CATSPERZ: variants seen among roughly 807,000 people sequenced by gnomAD.
The protein encoded by CATSPERZ is catsper channel auxiliary subunit zeta, also known as cation channel sperm-associated auxiliary subunit zeta.
Under a neutral mutation model 21.7 loss-of-function variants are expected in CATSPERZ, and 21 were observed. The ratio of observed to expected loss-of-function variants is 0.97; its 90% CI spans 0.69 to 1.39. CATSPERZ has a LOEUF of 1.39. Among genes scored for constraint, CATSPERZ ranks in the 40% most tolerant of loss-of-function variants. CATSPERZ has a pLI of 0.00. For synonymous variants in CATSPERZ, 127 were observed against 108.7 expected, an observed-to-expected ratio of 1.17 and a Z score of -1.05; for missense variants, 234 against 259.5, an observed-to-expected ratio of 0.90 and a Z score of 0.68.
chr11:64,300,805 G>T lies in CATSPERZ; in HGVS notation c.170G>T (p.Arg57Leu). 6.4e-7 allele frequency: 1 copy of T among 1,558,468 alleles called. No individual in the cohort carries two copies. Among genetic ancestry groups the T allele is most frequent in the Non-Finnish European group, 8.7e-7 (1 of 1,151,834 alleles). ...EVCEGFDEEG[R>L]NISKTRGWHS... ...TGCGAGGGCTTCGACGAGGAGGGCC[G>T]CAACATTAGCAAGACCCGCGGGTGG... The change falls in exon 2 of 5, where the codon CGC becomes CTC. Residue 57 changes from arginine to leucine, a missense_variant. Coordinates refer to ENST00000328404, the MANE Select transcript of CATSPERZ (RefSeq NM_001039496.2).
chr11:64,302,914 T>C (rs2034950605), intron 2 of CATSPERZ, among the ~76,000 whole-genome samples: 1 of 148,786 alleles, frequency 6.7e-6, no homozygotes, highest in Non-Finnish European at 1.5e-5. Context: ...TTTAGTTTTT[T>C]TTTGAGACAG....
In CATSPERZ at chr11:64,304,526, C is replaced by A. The variant is rs1398912655; in HGVS notation, c.500-17C>A. On this transcript the variant is annotated splice_polypyrimidine_tract_variant and intron_variant, in intron 4 of 4. Coordinates refer to ENST00000328404, the MANE Select transcript of CATSPERZ (RefSeq NM_001039496.2). Reference sequence around the variant, plus strand: ...CGGTTGCTCACTGCCCTGAGCCGAGCTCTGCCCTCCTCCTAGGCTACCAGT... The same window carrying A: ...CGGTTGCTCACTGCCCTGAGCCGAGATCTGCCCTCCTCCTAGGCTACCAGT... 3 of 1,564,874 alleles carry A rather than the reference C, an allele frequency of 1.9e-6. No homozygotes were observed. The highest frequency in any genetic ancestry group is 2.6e-6 in the Non-Finnish European group (3 of 1,155,204).
At chr11:64,301,338 CTGGA>C (rs1243983102) in intron 2 of CATSPERZ, among the ~76,000 whole-genome samples, 1 of 151,226 alleles carries the variant, frequency 6.6e-6, no homozygotes, top group East Asian at 1.9e-4. Flanking sequence ...GTCGCCCAGG[CTGGA>C]TGGAGTGCAG....
chr11:64,302,957 A>ATG (rs1327527195), intron 2 of CATSPERZ, among the ~76,000 whole-genome samples: 1 of 121,544 alleles, frequency 8.2e-6, no homozygotes, highest in Non-Finnish European at 1.7e-5. Flanking sequence ...TGGAGTGCAG[A>ATG]TGTACGATCT....
In CATSPERZ at chr11:64,300,397, G is replaced by C. The variant is rs202061149; in HGVS notation, c.-14G>C. 6.9e-7 allele frequency: 1 copy of C among 1,439,462 alleles called. No individual in the cohort carries two copies. Among genetic ancestry groups the C allele is most frequent in the Non-Finnish European group, 9.3e-7 (1 of 1,070,032 alleles). 89.2% of individuals were successfully genotyped at this position (1,439,462 alleles called of 1,614,324 possible). Reference sequence around the variant, plus strand: ...CTCGAGGCCTGTGGCGTCTGGGTCCGTTGGGGCAGAACCATGGAGGAAAAG... The same window carrying C: ...CTCGAGGCCTGTGGCGTCTGGGTCCCTTGGGGCAGAACCATGGAGGAAAAG... On this transcript the variant is annotated 5_prime_UTR_variant, in exon 1 of 5. Transcript: ENST00000328404.
chr11:64,303,632 TGAAAGTTGGGGGTGGTTGGCAGG>T, intron 3 of CATSPERZ, 71 bp downstream of exon 3: 1 of 1,482,426 alleles, frequency 6.7e-7, no homozygotes, highest in Non-Finnish European at 9.1e-7. Context: ...TGATAGGATA[TGAAAGTTGGGGGTGGTTGGCAGG>T]GTGGAGGGGC....
intron 3 of CATSPERZ, 43 bp downstream of exon 3, chr11:64,303,604 GA>G: frequency 6.4e-7 from 1 of 1,555,872 alleles, no homozygotes; most frequent in Admixed American, 1.8e-5. Flanking sequence ...TGGGGTAGGG[GA>G]TAGGCAAATT....
At position 64,304,555 on chromosome 11, in the gene CATSPERZ, G is replaced by A; in HGVS notation, c.512G>A (p.Gly171Glu). 1 of 1,584,608 alleles carries A rather than the reference G, an allele frequency of 6.3e-7. No homozygotes were observed. The highest frequency in any genetic ancestry group is 8.6e-7 in the Non-Finnish European group (1 of 1,166,374). The change falls in exon 5 of 5, where the codon GGG becomes GAG. Residue 171 changes from glycine (G) to glutamate (E), a missense_variant. By Grantham distance (98) the Gly-to-Glu change is moderately conservative. Transcript: ENST00000328404. ...LTKALRSYQL[G>E]IGRDHFLTKE... ...GCCCTCCTCCTAGGCTACCAGTTAG[G>A]GATCGGCAGGGACCACTTCCTGACT...
chr11:64,300,811 T>A lies in CATSPERZ; in HGVS notation c.176T>A (p.Ile59Asn), dbSNP rs2034910700. 1.3e-6 allele frequency: 2 copies of A among 1,559,632 alleles called. No individual in the cohort carries two copies. Among genetic ancestry groups the A allele is most frequent in the African/African-American group, 1.4e-5 (1 of 73,604 alleles). Residue 59 changes from isoleucine to asparagine, a missense_variant, in exon 2 of 5, where the codon ATT becomes AAT. Ile to Asn is a moderately radical substitution (Grantham distance 149, BLOSUM62 -3). Transcript: ENST00000328404. The part of the protein sequence containing the change: ...CEGFDEEGRN[I>N]SKTRGWHSPG... Reference sequence around the variant, plus strand: ...GGCTTCGACGAGGAGGGCCGCAACATTAGCAAGACCCGCGGGTGGCACAGC... The same window carrying A: ...GGCTTCGACGAGGAGGGCCGCAACAATAGCAAGACCCGCGGGTGGCACAGC...
rs191382363 is a variant in CATSPERZ, at chr11:64,302,341, T to C, written c.353-1141T>C. On this transcript the variant is annotated intron_variant, in intron 2 of 4. Transcript: ENST00000328404. The stretch of plus-strand genomic sequence containing the variant: ...TGTCGCCCAGGCTGGAGTGCAGTGG[T>C]GCCATCTCGGCTCACTGCAAGCTCT... Among the ~76,000 whole-genome samples the C allele has an allele frequency of 3.8e-3, 577 of 152,324 alleles. 6 individuals carry two copies. The highest frequency in any genetic ancestry group is 0.013 in the African/African-American group (560 of 41,558).
chr11:64,303,776 C>T lies in CATSPERZ; in HGVS notation c.436C>T (p.Pro146Ser). The stretch of plus-strand genomic sequence containing the variant: ...AAGCCTCTTGCTGCTTCTCCAGCTG[C>T]CACTGCCCCTGATGGAACTCATGGA... ...AYWAEQQSRLPLPLMELMENE... is the reference protein window; with the variant it reads ...AYWAEQQSRLSLPLMELMENE... Residue 146 changes from proline to serine, a missense_variant, in exon 4 of 5, where the codon CCA (proline) becomes TCA (serine). Coordinates refer to ENST00000328404, the MANE Select transcript of CATSPERZ (RefSeq NM_001039496.2). The T allele has an allele frequency of 6.3e-7, 1 of 1,599,228 alleles. No individual in the cohort carries two copies. The highest frequency in any genetic ancestry group is 8.5e-7 in the Non-Finnish European group (1 of 1,173,128).
intron 2 of CATSPERZ, among the ~76,000 whole-genome samples, chr11:64,302,716 G>A (rs1565372330): frequency 6.6e-6 from 1 of 151,856 alleles, no homozygotes; most frequent in Admixed American, 6.6e-5. Flanking sequence ...GGGATTACAG[G>A]TGCCTGCCAC....
chr11:64,300,367 C>T lies in CATSPERZ; in HGVS notation c.-44C>T, dbSNP rs2034899552. The T allele has an allele frequency of 2.1e-6, 3 of 1,416,438 alleles. No homozygotes were observed. The South Asian group carries it at 3.4e-5, about 16-fold the overall frequency. 87.7% of individuals were successfully genotyped at this position (1,416,438 alleles called of 1,614,324 possible). The stretch of plus-strand genomic sequence containing the variant: ...CCCTTCCTGGAGCGTTGACTCCCTT[C>T]TCGTCTCGAGGCCTGTGGCGTCTGG... On this transcript the variant is annotated 5_prime_UTR_variant, in exon 1 of 5. Transcript: ENST00000328404.
rs568280516 is a variant in CATSPERZ, at chr11:64,301,489, T to C, written c.352+502T>C. ...GGCACGATCTCTGCTCGCTGCAACC[T>C]CCGCCTCCCGAGTAGCTGGGATTAC... is the stretch of plus-strand genomic sequence containing the variant. On this transcript the variant is annotated intron_variant, in intron 2 of 4. Coordinates refer to ENST00000328404, the MANE Select transcript of CATSPERZ (RefSeq NM_001039496.2). 1.5e-4 allele frequency among the ~76,000 whole-genome samples: 20 copies of C among 134,862 alleles called. 1 individual carries two copies. The South Asian group carries it at 4.9e-3, about 33-fold the overall frequency. The allele number at this position is 134,862 out of a possible 152,430, so 88.5% of individuals were successfully genotyped here.
chr11:64,302,113 A>G (rs2034936872), intron 2 of CATSPERZ, among the ~76,000 whole-genome samples: 3 of 152,318 alleles, frequency 2.0e-5, no homozygotes, highest in Admixed American at 2.0e-4. Flanking sequence ...CGTGCTGGGC[A>G]CTGTCTGGCA....
intron 1 of CATSPERZ, 69 bp from the exon 2 acceptor site, chr11:64,300,588 C>T (rs1379307837): frequency 1.3e-6 from 2 of 1,516,510 alleles, no homozygotes; most frequent in African/African-American, 1.4e-5. Context: ...GCTCAGTTCC[C>T]CAGCCCGCTC....
Position 64,303,785 on chromosome 11 carries a change from C to T in CATSPERZ, c.445C>T (p.Leu149=). ...GCTGCTTCTCCAGCTGCCACTGCCC[C>T]TGATGGAACTCATGGAGAATGAAGC... The part of the protein sequence containing the change: ...AEQQSRLPLP[L]MELMENEALE... The change falls in exon 4 of 5, where the codon CTG becomes TTG. Residue 149 remains leucine, a synonymous_variant. Transcript: ENST00000328404. The T allele has an allele frequency of 6.2e-7, 1 of 1,600,740 alleles. No homozygotes were observed. Among genetic ancestry groups the T allele is most frequent in the African/African-American group, 1.3e-5 (1 of 74,664 alleles).
chr11:64,302,124 C>G (rs1427845709), intron 2 of CATSPERZ, among the ~76,000 whole-genome samples: 2 of 152,278 alleles, frequency 1.3e-5, no homozygotes, highest in African/African-American at 4.8e-5. Flanking sequence ...CTGTCTGGCA[C>G]CCCCTCAAAC....
intron 3 of CATSPERZ, 101 bp from the exon 4 acceptor site, chr11:64,303,672 G>A (rs1474608247): frequency 2.0e-6 from 3 of 1,473,174 alleles, no homozygotes; most frequent in Non-Finnish European, 2.8e-6. Context: ...GGGCAGGCAG[G>A]CTGGTTGGGG....
Sources: allele counts gnomAD v4.1 joint callset (sites outside exome capture counted in the v4.1 genomes callset), GRCh38; gene constraint gnomAD v4.1.1; transcripts MANE v1.5; gene names NCBI Gene and HGNC (gene_info 2026-07-23, HGNC 2026-07-21).